The following GYG2 variants were observed in gnomAD, a reference collection of about 807,000 sequenced individuals.
The protein encoded by GYG2 is glycogenin-2.
GYG2 carries 29 observed loss-of-function variants against 29.4 expected under a neutral mutation model. The observed-to-expected ratio is 0.99, with a 90% CI of 0.74 to 1.35. GYG2 has a LOEUF of 1.35. Among genes scored for constraint, GYG2 ranks in the 40% most tolerant of loss-of-function variants. GYG2 has a pLI of 0.00. For missense variants in GYG2, 370 were observed against 385.7 expected (o/e 0.96, Z 0.34); for synonymous variants, 167 against 172.3 (o/e 0.97, Z 0.24).
At chrX:2,836,579 G>A (rs1186906265) in intron 2 of GYG2, among the ~76,000 whole-genome samples, 1 of 108,190 alleles carries the variant, frequency 9.2e-6, no homozygotes, top group Non-Finnish European at 1.9e-5. Context: ...GGCCAAGGCA[G>A]GAGGATAGCT....
At chrX:2,844,938 CTATA>C (rs905543905) in intron 3 of GYG2, among the ~76,000 whole-genome samples, 2 of 103,529 alleles carry the variant, frequency 1.9e-5, no homozygotes, top group African/African-American at 7.0e-5. Flanking sequence ...ATATGTTCAA[CTATA>C]TATTTTTATA....
At chrX:2,876,348 A>G in intron 9 of GYG2, among the ~76,000 whole-genome samples, 1 of 110,724 alleles carries the variant, frequency 9.0e-6, no homozygotes, top group South Asian at 3.9e-4. Flanking sequence ...TTTTTTCTCT[A>G]AGTTTACCCT....
At chrX:2,848,367 C>T (rs1045119347) in intron 3 of GYG2, among the ~76,000 whole-genome samples, 5 of 110,318 alleles carry the variant, frequency 4.5e-5, no homozygotes, top group African/African-American at 1.6e-4. Flanking sequence ...GGTGAAACCC[C>T]GTCTTTACTA....
In GYG2 at chrX:2,856,481, GT is replaced by G; in HGVS notation, c.488-14del. 1.7e-6 allele frequency: 2 copies of G among 1,207,271 alleles called. No individual in the cohort carries two copies. The highest frequency in any genetic ancestry group is 2.2e-6 in the Non-Finnish European group (2 of 893,216). On this transcript the variant is annotated splice_polypyrimidine_tract_variant and intron_variant, in intron 5 of 10. Transcript: ENST00000398806. Reference sequence around the variant, plus strand: ...CCATACTTTGCTAACCTGCTTTTGTGTTTGCTCATTATGTAGGGGCAGACCA... The same window carrying G: ...CCATACTTTGCTAACCTGCTTTTGTGTTGCTCATTATGTAGGGGCAGACCA...
chrX:2,878,312 A>T (rs1198417101), intron 10 of GYG2: 1 of 326,207 alleles, frequency 3.1e-6, no homozygotes, highest in East Asian at 2.1e-4. Flanking sequence ...TTATTTAGGG[A>T]CAGGGTCTTG....
chrX:2,830,300 C>G (rs1471396833), intron 2 of GYG2, 105 bp downstream of exon 2: 4 of 750,443 alleles, frequency 5.3e-6, no homozygotes, highest in Non-Finnish European at 8.2e-6. Context: ...AGGATTGCCC[C>G]AAACCCCGAG....
intron 8 of GYG2, among the ~76,000 whole-genome samples, chrX:2,870,160 T>C (rs1292281355): frequency 3.6e-5 from 4 of 110,352 alleles, no homozygotes; most frequent in Non-Finnish European, 5.7e-5. Context: ...CTTATTTTAT[T>C]CATAATACAC....
At chrX:2,870,187 G>T (rs1240263738) in intron 8 of GYG2, among the ~76,000 whole-genome samples, 1 of 107,993 alleles carries the variant, frequency 9.3e-6, no homozygotes, top group African/African-American at 3.4e-5. Flanking sequence ...GTTGAAGTAT[G>T]TCTTACTTTT....
chrX:2,851,068 A>G (rs1176493015), intron 3 of GYG2, among the ~76,000 whole-genome samples: 1 of 112,454 alleles, frequency 8.9e-6, no homozygotes, highest in Non-Finnish European at 1.9e-5. Flanking sequence ...TTTTAAAAAG[A>G]TAGGCTTTCT....
intron 8 of GYG2, among the ~76,000 whole-genome samples, chrX:2,863,320 T>C (rs1170550318): frequency 9.0e-6 from 1 of 111,221 alleles, no homozygotes; most frequent in African/African-American, 3.3e-5. Context: ...GTGATCCGCC[T>C]GCTTCGGCCT....
chrX:2,832,475 A>T (rs1165268502), intron 2 of GYG2, among the ~76,000 whole-genome samples: 1 of 111,438 alleles, frequency 9.0e-6, no homozygotes, highest in Non-Finnish European at 1.9e-5. Flanking sequence ...GTTCCTCCTG[A>T]GGCCTCTCTC....
At chrX:2,849,289 G>T (rs1338933378) in intron 3 of GYG2, among the ~76,000 whole-genome samples, 1 of 111,436 alleles carries the variant, frequency 9.0e-6, no homozygotes, top group Non-Finnish European at 1.9e-5. Context: ...GCCAAAAGCA[G>T]AGGGAGATTT....
chrX:2,847,533 C>CAAAAAAAA (rs34368863), intron 3 of GYG2, among the ~76,000 whole-genome samples: 6 of 56,258 alleles, frequency 1.1e-4, no homozygotes, highest in Non-Finnish European at 1.9e-4. Flanking sequence ...ACTAAAAGTA[C>CAAAAAAAA]AAAAAAAAAA....
At chrX:2,860,139 T>C in intron 7 of GYG2, 74 bp downstream of exon 7, 1 of 612,094 alleles carries the variant, frequency 1.6e-6, no homozygotes, top group Non-Finnish European at 2.5e-6. Context: ...TCTGGCGTGG[T>C]TTTTTTTTGA....
chrX:2,861,974 G>A (rs1216726057), intron 8 of GYG2, among the ~76,000 whole-genome samples: 2 of 111,956 alleles, frequency 1.8e-5, no homozygotes, highest in Non-Finnish European at 3.8e-5. Flanking sequence ...GCAAAAGGGC[G>A]TTTGCAGTTG....
Position 2,845,029 on chromosome X carries a change from T to TTATATACACATGTGTATGTA in GYG2, c.149+1685_149+1704dup, listed in dbSNP as rs774675286. On this transcript the variant is annotated intron_variant, in intron 3 of 10. Transcript: ENST00000398806. ...TTTATATACACATGTGTATGTATAT[T>TTATATACACATGTGTATGTA]TATATACACATGTGTATGTATATAT... is the stretch of plus-strand genomic sequence containing the variant. Among the ~76,000 whole-genome samples, 710 of 88,010 alleles carry TTATATACACATGTGTATGTA rather than the reference T, an allele frequency of 8.1e-3. 90 individuals carry two copies. The highest frequency in any genetic ancestry group is 0.028 in the African/African-American group (647 of 23,433). The allele number at this position is 88,010 out of a possible 115,157, so 76.4% of individuals were successfully genotyped here. A position where few individuals can be genotyped will look rare whatever the true frequency, so the allele number is the denominator to read the frequency against.
At chrX:2,832,519 G>T (rs780664562) in intron 2 of GYG2, among the ~76,000 whole-genome samples, 1 of 111,357 alleles carries the variant, frequency 9.0e-6, no homozygotes, top group Non-Finnish European at 1.9e-5. Context: ...TTCCCTTTGT[G>T]TGTGTCTGTG....
At chrX:2,838,235 G>C (rs2087420348) in intron 2 of GYG2, among the ~76,000 whole-genome samples, 1 of 111,202 alleles carries the variant, frequency 9.0e-6, no homozygotes, top group South Asian at 3.8e-4. Context: ...ATGGTGGTTT[G>C]TTTTAGTGTC....
chrX:2,853,732 G>A (rs1671269881), intron 3 of GYG2: 1 of 342,054 alleles, frequency 2.9e-6, no homozygotes, highest in Non-Finnish European at 5.1e-6. Flanking sequence ...TACCGGTACA[G>A]TGGGGTTTCA....
Sources: allele counts gnomAD v4.1 joint callset (sites outside exome capture counted in the v4.1 genomes callset), GRCh38; gene constraint gnomAD v4.1.1; transcripts MANE v1.5; gene names NCBI Gene and HGNC (gene_info 2026-07-23, HGNC 2026-07-21).